Variants in PTPRZ1 observed in about 807,000 individuals in gnomAD.
PTPRZ1 encodes protein tyrosine phosphatase receptor type Z1, also known as receptor-type tyrosine-protein phosphatase zeta.
A neutral mutation model predicts 214.1 loss-of-function variants in PTPRZ1; 82 were observed. That is an observed-to-expected ratio of 0.38 (90% CI 0.32 to 0.46). The LOEUF (loss-of-function observed/expected upper bound fraction) is 0.46. Among genes scored for constraint, PTPRZ1 ranks in the 20% least tolerant of loss-of-function variants. PTPRZ1 has a pLI of 1.00. For missense variants in PTPRZ1, 2,603 were observed against 2,748.7 expected, an observed-to-expected ratio of 0.95 and a Z score of 1.19; for synonymous variants, 945 against 987.9, an observed-to-expected ratio of 0.96 and a Z score of 0.81.
At chr7:121,886,108 G>T (rs1794387092) in intron 1 of PTPRZ1, among the ~76,000 whole-genome samples, 1 of 152,090 alleles carries the variant, frequency 6.6e-6, no homozygotes, top group Non-Finnish European at 1.5e-5. Context: ...TTGGGTGATT[G>T]CGCTACTGGG....
chr7:122,048,308 T>C (rs527623298), intron 23 of PTPRZ1, among the ~76,000 whole-genome samples: 1 of 152,140 alleles, frequency 6.6e-6, no homozygotes, highest in East Asian at 1.9e-4. Context: ...TAGACAAACC[T>C]GTGTCCAGAT....
Position 122,018,513 on chromosome 7 carries a change from AT to A in PTPRZ1, c.4844-598del, listed in dbSNP as rs71530085. Among the ~76,000 whole-genome samples, 1,032 of 145,162 alleles carry A rather than the reference AT, an allele frequency of 7.1e-3. 4 individuals are homozygous for A. Among genetic ancestry groups the A allele is most frequent in the East Asian group, 0.025 (123 of 5,020 alleles). ...ATTCCTCCAATTCACCTGAAATTGC[AT>A]TTTTTTTTTTTTGTAGAATAAAACA... On this transcript the variant is annotated intron_variant, in intron 12 of 29. Transcript: ENST00000393386.
chr7:121,971,561 T>C (rs1797250504), intron 3 of PTPRZ1, among the ~76,000 whole-genome samples: 1 of 152,172 alleles, frequency 6.6e-6, no homozygotes, highest in African/African-American at 2.4e-5. Context: ...TTGAGCAACC[T>C]ACTTAGCCTT....
At chr7:121,924,019 C>G (rs921956433) in intron 1 of PTPRZ1, among the ~76,000 whole-genome samples, 11 of 151,850 alleles carry the variant, frequency 7.2e-5, no homozygotes, top group African/African-American at 2.7e-4. Context: ...ATTTTTGGGA[C>G]AAATTTTAAG....
intron 13 of PTPRZ1, among the ~76,000 whole-genome samples, chr7:122,023,798 TTA>T (rs1200498546): frequency 6.3e-4 from 85 of 135,312 alleles, no homozygotes; most frequent in African/African-American, 2.1e-3. Flanking sequence ...ATGTATAATT[TTA>T]TATATAATTA....
chr7:122,057,600 C>T (rs553698784), intron 27 of PTPRZ1, among the ~76,000 whole-genome samples: 1 of 147,528 alleles, frequency 6.8e-6, no homozygotes, highest in South Asian at 2.1e-4. Flanking sequence ...ATTGCAAATA[C>T]TTTCTCCCAG....
chr7:121,973,940 G>GAAAAAAAAAA (rs371692415), intron 4 of PTPRZ1, among the ~76,000 whole-genome samples: 21 of 86,172 alleles, frequency 2.4e-4, no homozygotes, highest in East Asian at 1.2e-3. Context: ...TCTCAAAAAA[G>GAAAAAAAAAA]AAAAAAAAAA....
chr7:122,010,732 A>G lies in PTPRZ1; in HGVS notation c.1686A>G (p.Thr562=). The G allele has an allele frequency of 1.9e-6, 3 of 1,613,974 alleles. No individual in the cohort carries two copies. Among genetic ancestry groups the G allele is most frequent in the Admixed American group, 3.3e-5 (2 of 59,994 alleles). ...NLSGTAESLN[T]VSITEYEEES... ...CGGGGACTGCAGAATCCTTAAATAC[A>G]GTTTCTATAACAGAATATGAGGAGG... Residue 562 remains threonine (T), a synonymous_variant, in exon 12 of 30, where the codon ACA becomes ACG. Transcript: ENST00000393386.
At chr7:121,975,522 C>T (rs1797402573) in intron 4 of PTPRZ1, among the ~76,000 whole-genome samples, 1 of 152,142 alleles carries the variant, frequency 6.6e-6, no homozygotes, top group Admixed American at 6.6e-5. Flanking sequence ...TCTGTTTCTC[C>T]CATCAGAGCA....
chr7:121,933,916 T>C (rs1304699803), intron 2 of PTPRZ1, among the ~76,000 whole-genome samples: 3 of 152,184 alleles, frequency 2.0e-5, no homozygotes, highest in Non-Finnish European at 2.9e-5. Flanking sequence ...ACTTCTTATA[T>C]AAACAGACTG....
Position 122,013,309 on chromosome 7 carries a change from T to C in PTPRZ1, c.4263T>C (p.Thr1421=). 1 of 1,586,592 alleles carries C rather than the reference T, an allele frequency of 6.3e-7. No homozygotes were observed. The highest frequency in any genetic ancestry group is 8.5e-7 in the Non-Finnish European group (1 of 1,170,426). ...TGGGTGGTGGTGAAGATGGTGACAC[T>C]GATGATGATGGTGATGATGATGATG... is the stretch of plus-strand genomic sequence containing the variant. ...GLVGGGEDGD[T]DDDGDDDDDD... The change falls in exon 12 of 30, where the codon ACT becomes ACC. Residue 1421 remains threonine, a synonymous_variant. Coordinates refer to ENST00000393386, the MANE Select transcript of PTPRZ1 (RefSeq NM_002851.3).
intron 2 of PTPRZ1, among the ~76,000 whole-genome samples, chr7:121,950,351 T>TC (rs1435245810): frequency 1.3e-5 from 2 of 152,216 alleles, no homozygotes; most frequent in African/African-American, 4.8e-5. Flanking sequence ...ATGTGGTTTT[T>TC]CCCAATCCTG....
chr7:121,886,331 T>C (rs1794396203), intron 1 of PTPRZ1, among the ~76,000 whole-genome samples: 1 of 152,132 alleles, frequency 6.6e-6, no homozygotes, highest in Admixed American at 6.6e-5. Flanking sequence ...AGGTTCTTTA[T>C]CTGGTATTCA....
intron 10 of PTPRZ1, among the ~76,000 whole-genome samples, chr7:122,001,947 A>G (rs566728837): frequency 6.6e-6 from 1 of 152,248 alleles, no homozygotes. Flanking sequence ...TTTTTGAACT[A>G]TTTAATATAT....
chr7:121,877,442 A>G (rs1026206218), intron 1 of PTPRZ1, among the ~76,000 whole-genome samples: 30 of 152,090 alleles, frequency 2.0e-4, no homozygotes, highest in African/African-American at 7.2e-4. Flanking sequence ...CTCTTGTATT[A>G]CTTTTTTATC....
chr7:121,881,425 T>G (rs1445150078), intron 1 of PTPRZ1, among the ~76,000 whole-genome samples: 1 of 152,192 alleles, frequency 6.6e-6, no homozygotes, highest in Non-Finnish European at 1.5e-5. Context: ...TACTTCATAA[T>G]GTATGGGTGC....
chr7:121,931,918 G>GT (rs1324076672), intron 2 of PTPRZ1, among the ~76,000 whole-genome samples: 1 of 152,052 alleles, frequency 6.6e-6, no homozygotes, highest in Non-Finnish European at 1.5e-5. Context: ...TTAAAGCGTG[G>GT]TATTTGTTGT....
intron 2 of PTPRZ1, among the ~76,000 whole-genome samples, chr7:121,933,176 T>TA: frequency 7.1e-6 from 1 of 139,914 alleles, no homozygotes; most frequent in East Asian, 2.1e-4. Context: ...AAAGATAAAG[T>TA]GAAGTCATTT....
chr7:121,964,500 G>A (rs188061083), intron 2 of PTPRZ1, among the ~76,000 whole-genome samples: 5 of 152,210 alleles, frequency 3.3e-5, no homozygotes, highest in East Asian at 1.9e-4. Context: ...TTGTCTCCAC[G>A]TGGTCCCTCC....
Sources: allele counts gnomAD v4.1 joint callset (sites outside exome capture counted in the v4.1 genomes callset), GRCh38; gene constraint gnomAD v4.1.1; transcripts MANE v1.5; gene names NCBI Gene and HGNC (gene_info 2026-07-23, HGNC 2026-07-21).